CADPS: variants seen among roughly 807,000 people sequenced by gnomAD.
The protein encoded by CADPS is calcium-dependent secretion activator 1.
CADPS carries 57 observed loss-of-function variants against 167.3 expected under a neutral mutation model. That is an observed-to-expected ratio of 0.34 (90% confidence interval 0.28 to 0.42). The LOEUF (loss-of-function observed/expected upper bound fraction) is 0.42, where lower values mean the gene tolerates loss of function less well. Ranked by LOEUF, CADPS falls within the 20% of genes least tolerant of loss-of-function variation. The pLI is 1.00. For missense variants in CADPS, 1,414 were observed against 1,738.1 expected (o/e 0.81, Z 3.32); for synonymous variants, 676 against 635.3 (o/e 1.06, Z -0.96).
chr3:62,445,452 T>A (rs1477746370), intron 27 of CADPS, among the ~76,000 whole-genome samples: 1 of 151,692 alleles, frequency 6.6e-6, no homozygotes, highest in Non-Finnish European at 1.5e-5. Context: ...CACAGGAGGG[T>A]TGGTGAACAT....
chr3:62,475,584 GAAAAAAAAAAAAAAA>G lies in CADPS; in HGVS notation c.3330-1279_3330-1265del, dbSNP rs34263556. On this transcript the variant is annotated intron_variant, in intron 23 of 29. Transcript: ENST00000383710. ...CTAAGGTTGGGAGCCCAGTTCTTAAGAAAAAAAAAAAAAAAAAAAAAAAAAAAACACCTAAAAATC... is the reference window on the plus strand; with the variant it reads ...CTAAGGTTGGGAGCCCAGTTCTTAAGAAAAAAAAAAAAACACCTAAAAATC... Among the ~76,000 whole-genome samples the G allele has an allele frequency of 8.9e-5, 5 of 55,950 alleles. No individual in the cohort carries two copies. In the Admixed American group the frequency reaches 1.2e-3, roughly 14 times the overall value. 36.7% of individuals were successfully genotyped at this position (55,950 alleles called of 152,430 possible).
In CADPS at chr3:62,576,788, T is replaced by TTAAAAA. The variant is rs1553936618; in HGVS notation, c.1578-5851_1578-5850insTTTTTA. On this transcript the variant is annotated intron_variant, in intron 8 of 29. Transcript: ENST00000383710. ...CTGGGTGACAGAGCAAGACTCTGTCTAAAAAAAAAAAAAAAAAAAAAAAAA... is the reference window on the plus strand; with the variant it reads ...CTGGGTGACAGAGCAAGACTCTGTCTTAAAAAAAAAAAAAAAAAAAAAAAAAAAAAA... Among the ~76,000 whole-genome samples the TTAAAAA allele has an allele frequency of 1.8e-3, 55 of 29,866 alleles. 20 individuals are homozygous for TTAAAAA. Among genetic ancestry groups the TTAAAAA allele is most frequent in the Admixed American group, 2.8e-3 (5 of 1,764 alleles). The allele number at this position is 29,866 out of a possible 152,430, so 19.6% of individuals were successfully genotyped here.
chr3:62,526,532 G>A (rs2072273403), intron 13 of CADPS, among the ~76,000 whole-genome samples: 1 of 152,090 alleles, frequency 6.6e-6, no homozygotes, highest in Admixed American at 6.6e-5. Context: ...TTGTCACTGT[G>A]GGATAGTGAC....
At chr3:62,615,327 C>T (rs189337367) in intron 6 of CADPS, among the ~76,000 whole-genome samples, 9 of 152,262 alleles carry the variant, frequency 5.9e-5, no homozygotes, top group African/African-American at 1.9e-4. Context: ...GGAATGGCAG[C>T]TTTGAAAGGG....
intron 1 of CADPS, among the ~76,000 whole-genome samples, chr3:62,844,592 G>A (rs1163127494): frequency 2.0e-5 from 3 of 152,158 alleles, no homozygotes; most frequent in African/African-American, 7.2e-5. Flanking sequence ...AATAATCTAA[G>A]CTTGAATGCA....
chr3:62,713,227 C>A (rs921887302), intron 3 of CADPS, among the ~76,000 whole-genome samples: 1 of 152,082 alleles, frequency 6.6e-6, no homozygotes, highest in Non-Finnish European at 1.5e-5. Flanking sequence ...GTTGCCCAGA[C>A]CATTTCTCCT....
At chr3:62,529,416 A>G (rs1028661736) in intron 13 of CADPS, among the ~76,000 whole-genome samples, 2 of 152,182 alleles carry the variant, frequency 1.3e-5, no homozygotes, top group African/African-American at 2.4e-5. Flanking sequence ...TGATCCTTCC[A>G]AAAGCAGCAC....
chr3:62,671,264 A>C (rs1014759400), intron 3 of CADPS, among the ~76,000 whole-genome samples: 1 of 152,144 alleles, frequency 6.6e-6, no homozygotes, highest in Non-Finnish European at 1.5e-5. Context: ...TATCCAGCAT[A>C]GAGGATACAG....
chr3:62,703,907 T>C (rs1040839502), intron 3 of CADPS, among the ~76,000 whole-genome samples: 5 of 152,148 alleles, frequency 3.3e-5, no homozygotes, highest in Admixed American at 6.5e-5. Flanking sequence ...CCTCTGAAAG[T>C]TCCCTCATCT....
Position 62,875,205 on chromosome 3 carries a change from C to G in CADPS, c.-176G>C, listed in dbSNP as rs2083444313. 1.7e-5 allele frequency: 14 copies of G among 833,002 alleles called. No homozygotes were observed. The highest frequency in any genetic ancestry group is 2.2e-5 in the Non-Finnish European group (14 of 622,346). 51.6% of individuals were successfully genotyped at this position (833,002 alleles called of 1,614,324 possible). On this transcript the variant is annotated 5_prime_UTR_variant, in exon 1 of 30. Transcript: ENST00000383710. ...CGACTGATCCTCTGCCCGGCGGTCGCGAGCTGGGCTCAGACCCAGAAGCGC... is the reference window on the plus strand; with the variant it reads ...CGACTGATCCTCTGCCCGGCGGTCGGGAGCTGGGCTCAGACCCAGAAGCGC...
At chr3:62,528,587 T>C (rs1163922482) in intron 13 of CADPS, among the ~76,000 whole-genome samples, 2 of 152,164 alleles carry the variant, frequency 1.3e-5, no homozygotes, top group African/African-American at 2.4e-5. Context: ...TTTTAGATGT[T>C]AAAGGGATAT....
intron 6 of CADPS, among the ~76,000 whole-genome samples, chr3:62,632,822 C>CA (rs1171967709): frequency 1.3e-5 from 2 of 151,932 alleles, no homozygotes; most frequent in Non-Finnish European, 2.9e-5. Flanking sequence ...CAGCATGTAA[C>CA]ATTCTGTAAA....
chr3:62,530,642 A>G (rs768430340), intron 13 of CADPS: 44 of 1,282,788 alleles, frequency 3.4e-5, no homozygotes, highest in Non-Finnish European at 4.4e-5. Flanking sequence ...CAATACACAC[A>G]TAACTTCTTA....
At chr3:62,811,057 A>T (rs1437365692) in intron 1 of CADPS, among the ~76,000 whole-genome samples, 1 of 152,170 alleles carries the variant, frequency 6.6e-6, no homozygotes, top group Non-Finnish European at 1.5e-5. Context: ...TTAAACTGGG[A>T]CCCGTGGTTC....
intron 28 of CADPS, among the ~76,000 whole-genome samples, chr3:62,428,173 G>A (rs1380482106): frequency 6.6e-6 from 1 of 152,146 alleles, no homozygotes; most frequent in Non-Finnish European, 1.5e-5. Flanking sequence ...CAGAAGAACA[G>A]GAGGCTGTTA....
At chr3:62,645,582 G>A (rs1396923212) in intron 6 of CADPS, 140 bp downstream of exon 6, 4 of 860,556 alleles carry the variant, frequency 4.6e-6, no homozygotes, top group Non-Finnish European at 7.1e-6. Flanking sequence ...ATGTAGGCAA[G>A]TCATCTTGTT....
chr3:62,493,568 G>A (rs1458712598), intron 19 of CADPS, 77 bp downstream of exon 19: 8 of 1,087,532 alleles, frequency 7.4e-6, no homozygotes, highest in Middle Eastern at 2.0e-4. Flanking sequence ...TTAGTTATTA[G>A]AGGGATATTC....
chr3:62,578,824 C>T (rs780648563), intron 8 of CADPS, among the ~76,000 whole-genome samples: 10 of 151,924 alleles, frequency 6.6e-5, no homozygotes, highest in South Asian at 2.1e-4. Flanking sequence ...ATCTAATTGA[C>T]GTTTATTGAT....
chr3:62,825,307 G>A (rs954246027), intron 1 of CADPS, among the ~76,000 whole-genome samples: 5 of 152,010 alleles, frequency 3.3e-5, no homozygotes, highest in Admixed American at 3.3e-4. Flanking sequence ...TTATTTTAGG[G>A]GTTCCCAAAG....
Sources: gnomAD v4.1 joint callset for allele counts (sites outside exome capture counted in the v4.1 genomes callset) on GRCh38, gnomAD v4.1.1 for gene constraint, MANE v1.5 for transcripts, NCBI Gene and HGNC (gene_info 2026-07-23, HGNC 2026-07-21) for gene names.